The following CTNNA2 variants were observed in gnomAD, a reference collection of about 807,000 sequenced individuals.
The protein encoded by CTNNA2 is catenin alpha 2.
In CTNNA2, 42 loss-of-function variants were observed where a neutral mutation model predicts 101.0. The observed-to-expected ratio is 0.42, with a 90% confidence interval of 0.32 to 0.54. CTNNA2 has a LOEUF of 0.54. Among genes scored for constraint, CTNNA2 ranks in the 20% least tolerant of loss-of-function variants. The pLI, the probability that CTNNA2 is intolerant of heterozygous loss-of-function variation, is 0.14. For missense variants in CTNNA2, 871 were observed against 1,223.1 expected, an observed-to-expected ratio of 0.71 and a Z score of 4.29; for synonymous variants, 450 against 456.4, an observed-to-expected ratio of 0.99 and a Z score of 0.18.
intron 7 of CTNNA2, among the ~76,000 whole-genome samples, chr2:80,020,817 G>T (rs1402203631): frequency 2.0e-5 from 3 of 151,998 alleles, no homozygotes; most frequent in African/African-American, 7.2e-5. Context: ...GGAGAAGAAA[G>T]AATTTGGAAA....
chr2:80,410,318 C>T (rs541458688), intron 8 of CTNNA2, among the ~76,000 whole-genome samples: 1 of 152,190 alleles, frequency 6.6e-6, no homozygotes, highest in African/African-American at 2.4e-5. Context: ...ATTGCTAGAG[C>T]AGGTATGATC....
At chr2:80,022,818 A>C (rs1694663193) in intron 7 of CTNNA2, among the ~76,000 whole-genome samples, 1 of 152,082 alleles carries the variant, frequency 6.6e-6, no homozygotes, top group Non-Finnish European at 1.5e-5. Context: ...TCCAGAGATC[A>C]CTCGTATGGC....
chr2:79,262,448 TCC>T (rs1266111728), intron 2 of CTNNA2, among the ~76,000 whole-genome samples: 8 of 151,840 alleles, frequency 5.3e-5, no homozygotes, highest in African/African-American at 1.9e-4. Context: ...TCATTTCAAA[TCC>T]TAAAAAATAT....
At chr2:80,525,353 T>G (rs1048857856) in intron 9 of CTNNA2, among the ~76,000 whole-genome samples, 1 of 151,908 alleles carries the variant, frequency 6.6e-6, no homozygotes, top group African/African-American at 2.4e-5. Flanking sequence ...CGGAAGTCTT[T>G]GGGGCCTCTT....
intron 7 of CTNNA2, among the ~76,000 whole-genome samples, chr2:80,222,304 A>G (rs1033852425): frequency 2.0e-5 from 3 of 150,502 alleles, no homozygotes; most frequent in Non-Finnish European, 4.4e-5. Context: ...TTATTCTCAT[A>G]CTCTACCTGA....
chr2:79,358,028 C>A (rs1400164791), intron 3 of CTNNA2, among the ~76,000 whole-genome samples: 2 of 151,734 alleles, frequency 1.3e-5, no homozygotes, highest in African/African-American at 2.4e-5. Context: ...ATTTCATTAT[C>A]TTTGAGTCAT....
At chr2:79,604,269 G>T (rs1231826438) in intron 1 of CTNNA2, among the ~76,000 whole-genome samples, 1 of 152,178 alleles carries the variant, frequency 6.6e-6, no homozygotes, top group African/African-American at 2.4e-5. Context: ...GAGTAAGGGA[G>T]GTGGGAAGAT....
At chr2:79,369,764 G>T (rs1677829843) in intron 3 of CTNNA2, among the ~76,000 whole-genome samples, 1 of 152,158 alleles carries the variant, frequency 6.6e-6, no homozygotes, top group Non-Finnish European at 1.5e-5. Flanking sequence ...TCCACTGGGA[G>T]TATCTTCCCT....
intron 2 of CTNNA2, among the ~76,000 whole-genome samples, chr2:79,263,366 C>A (rs556179533): frequency 6.6e-6 from 1 of 152,020 alleles, no homozygotes; most frequent in Non-Finnish European, 1.5e-5. Context: ...AAGAGTGTAA[C>A]ATCTTCCCTC....
At chr2:80,381,952 C>T (rs755779358) in intron 7 of CTNNA2, among the ~76,000 whole-genome samples, 103 of 152,330 alleles carry the variant, frequency 6.8e-4, no homozygotes, top group Middle Eastern at 3.4e-3. Context: ...GTATATACAT[C>T]TTAATCCTAT....
chr2:79,629,809 T>C (rs151273772), intron 1 of CTNNA2, among the ~76,000 whole-genome samples: 1 of 152,164 alleles, frequency 6.6e-6, no homozygotes, highest in Non-Finnish European at 1.5e-5. Flanking sequence ...TTTTGTGATA[T>C]CTTGGCATCT....
At chr2:80,221,975 T>C (rs1708601233) in intron 7 of CTNNA2, among the ~76,000 whole-genome samples, 1 of 152,176 alleles carries the variant, frequency 6.6e-6, no homozygotes, top group African/African-American at 2.4e-5. Context: ...ACCACTGCTT[T>C]TGAGAATGCT....
chr2:79,409,374 C>T (rs1022675158), intron 4 of CTNNA2, among the ~76,000 whole-genome samples: 47 of 152,106 alleles, frequency 3.1e-4, no homozygotes, highest in Non-Finnish European at 6.2e-4. Context: ...AGTCCTTGCC[C>T]ATGCCTATGT....
At position 80,306,400 on chromosome 2, in the gene CTNNA2, T is replaced by TTTTCTTTTCCTTTC. The variant is rs1491389570; in HGVS notation, c.1057-86804_1057-86803insTCCTTTCTTTCTTT. 4.6e-5 allele frequency among the ~76,000 whole-genome samples: 5 copies of TTTTCTTTTCCTTTC among 109,270 alleles called. No homozygotes were observed. The East Asian group carries it at 8.2e-4, about 18-fold the overall frequency. 71.7% of individuals were successfully genotyped at this position (109,270 alleles called of 152,430 possible). On this transcript the variant is annotated intron_variant, in intron 7 of 18. Transcript: ENST00000402739. ...CTTTCTTTTCTTTTCTTTTCTTTTC[T>TTTTCTTTTCCTTTC]TTTCTTTCTTTCTTTCTTTCTTTCT...
At chr2:79,863,186 G>C (rs114535421) in intron 4 of CTNNA2, among the ~76,000 whole-genome samples, 3,010 of 152,098 alleles carry the variant, frequency 0.02, 102 homozygotes, top group African/African-American at 0.068. Flanking sequence ...GGCACAATTG[G>C]CCTCTCAGTC....
chr2:80,057,958 C>T (rs1281656565), intron 7 of CTNNA2, among the ~76,000 whole-genome samples: 1 of 151,848 alleles, frequency 6.6e-6, no homozygotes, highest in Non-Finnish European at 1.5e-5. Context: ...AAAATGAGAA[C>T]AAAAAAACAA....
chr2:80,186,638 A>G (rs1706147181), intron 7 of CTNNA2, among the ~76,000 whole-genome samples: 1 of 152,098 alleles, frequency 6.6e-6, no homozygotes, highest in African/African-American at 2.4e-5. Context: ...TGTAAATATT[A>G]TTTTGCACAT....
intron 2 of CTNNA2, among the ~76,000 whole-genome samples, chr2:79,216,870 C>A (rs1045290438): frequency 1.3e-5 from 2 of 152,078 alleles, no homozygotes; most frequent in Non-Finnish European, 2.9e-5. Flanking sequence ...GGGTGAAGGA[C>A]CAAGGCAGGC....
At chr2:80,432,408 T>C (rs1681627047) in intron 9 of CTNNA2, among the ~76,000 whole-genome samples, 1 of 152,202 alleles carries the variant, frequency 6.6e-6, no homozygotes. Context: ...GTAATACAAA[T>C]GCACCTTTTG....
Sources: allele counts gnomAD v4.1 joint callset (sites outside exome capture counted in the v4.1 genomes callset), GRCh38; gene constraint gnomAD v4.1.1; transcripts MANE v1.5; gene names NCBI Gene and HGNC (gene_info 2026-07-23, HGNC 2026-07-21).